SLC37A2: variants seen among roughly 807,000 people sequenced by gnomAD.
SLC37A2 encodes glucose-6-phosphate exchanger SLC37A2.
A neutral mutation model predicts 70.7 loss-of-function variants in SLC37A2; 59 were observed. That is an observed-to-expected ratio of 0.83 (90% confidence interval 0.68 to 1.04). SLC37A2 has a LOEUF of 1.04. SLC37A2 is among the 50% of genes least tolerant of loss of function. SLC37A2 has a pLI of 0.00. For missense variants in SLC37A2, 580 were observed against 658.1 expected (o/e 0.88, Z 1.30); for synonymous variants, 257 against 262.1 (o/e 0.98, Z 0.19).
chr11:125,086,401 G>T, intron 17 of SLC37A2: 1 of 750,134 alleles, frequency 1.3e-6, no homozygotes, highest in South Asian at 1.5e-5. Context: ...CCTCAGCAGA[G>T]CATGGTGCTT....
At chr11:125,077,823 G>A (rs1453648835) in intron 4 of SLC37A2, among the ~76,000 whole-genome samples, 2 of 152,180 alleles carry the variant, frequency 1.3e-5, no homozygotes, top group East Asian at 1.9e-4. Flanking sequence ...ATGGCCCTGC[G>A]TGCACATATA....
In SLC37A2 at chr11:125,088,302, A is replaced by G. The variant is rs1228652079; in HGVS notation, c.*168A>G. On this transcript the variant is annotated 3_prime_UTR_variant, in exon 18 of 18. Coordinates refer to ENST00000403796, the MANE Select transcript of SLC37A2 (RefSeq NM_001145290.2). ...CTGCCTAAGGACACAGAGATTCTCCATGGGAAGGGGACTGCCAAGCATGAG... is the reference window on the plus strand; with the variant it reads ...CTGCCTAAGGACACAGAGATTCTCCGTGGGAAGGGGACTGCCAAGCATGAG... The G allele has an allele frequency of 4.2e-6, 3 of 708,534 alleles. No individual in the cohort carries two copies. In the East Asian group the frequency reaches 8.2e-5, roughly 19 times the overall value. The allele number at this position is 708,534 out of a possible 1,614,324, so 43.9% of individuals were successfully genotyped here.
At chr11:125,077,750 C>CAGA (rs1949105326) in intron 4 of SLC37A2, among the ~76,000 whole-genome samples, 1 of 152,210 alleles carries the variant, frequency 6.6e-6, no homozygotes, top group East Asian at 1.9e-4. Context: ...CTCCTGGATG[C>CAGA]TGCTTTTGAG....
intron 1 of SLC37A2, among the ~76,000 whole-genome samples, chr11:125,075,251 C>T (rs1027990014): frequency 1.3e-5 from 2 of 152,222 alleles, no homozygotes; most frequent in African/African-American, 4.8e-5. Flanking sequence ...TGGGCACCCT[C>T]TTCAAAGTCT....
intron 1 of SLC37A2, among the ~76,000 whole-genome samples, chr11:125,068,397 G>A (rs1003233915): frequency 2.6e-5 from 4 of 152,152 alleles, no homozygotes; most frequent in African/African-American, 7.2e-5. Context: ...TAAATGTCAC[G>A]TAGTTCTTCT....
intron 1 of SLC37A2, among the ~76,000 whole-genome samples, chr11:125,075,626 C>G (rs1020417648): frequency 6.6e-6 from 1 of 152,250 alleles, no homozygotes; most frequent in Non-Finnish European, 1.5e-5. Flanking sequence ...AAGCTCGATC[C>G]AGGGGCAAAG....
At chr11:125,079,300 T>A (rs1241354321) in intron 5 of SLC37A2, 53 bp downstream of exon 5, 3 of 1,610,300 alleles carry the variant, frequency 1.9e-6, no homozygotes, top group Non-Finnish European at 2.5e-6. Context: ...GGGAAGGACC[T>A]GGGAGACCGC....
At chr11:125,069,783 A>G (rs1949012401) in intron 1 of SLC37A2, among the ~76,000 whole-genome samples, 1 of 152,256 alleles carries the variant, frequency 6.6e-6, no homozygotes, top group Non-Finnish European at 1.5e-5. Flanking sequence ...GCAGACATCC[A>G]GGCAAGAGTC....
rs900388592 is a variant in SLC37A2 at position 125,090,050 on chromosome 11, G to A, written c.*1916G>A. ...ACCCTGTGTTTAGCTCAAGGTTTGT[G>A]AGTGCACCAGTCGACACTCTGTATC... On this transcript the variant is annotated 3_prime_UTR_variant, in exon 18 of 18. Transcript: ENST00000403796. 3.9e-5 allele frequency: 6 copies of A among 152,308 alleles called. No individual in the cohort carries two copies. The highest frequency in any genetic ancestry group is 1.4e-4 in the African/African-American group (6 of 41,460). The allele number at this position is 152,308 out of a possible 1,614,324, so 9.4% of individuals were successfully genotyped here.
intron 17 of SLC37A2, chr11:125,086,336 A>ATG: frequency 1.7e-6 from 2 of 1,151,572 alleles, no homozygotes; most frequent in Admixed American, 3.4e-5. Context: ...GTCCTGCAGT[A>ATG]TGACTTTTTC....
intron 4 of SLC37A2, among the ~76,000 whole-genome samples, chr11:125,077,917 G>T (rs560177352): frequency 1.3e-5 from 2 of 152,168 alleles, no homozygotes; most frequent in Non-Finnish European, 2.9e-5. Context: ...GATCAATAAG[G>T]CTGCATACTG....
intron 1 of SLC37A2, among the ~76,000 whole-genome samples, chr11:125,069,855 G>A (rs150180862): frequency 5.6e-4 from 85 of 152,348 alleles, no homozygotes; most frequent in African/African-American, 2.0e-3. Flanking sequence ...GGCCTTCCTC[G>A]TCAGGATGAC....
chr11:125,073,993 C>A lies in SLC37A2; in HGVS notation c.60-2764C>A, dbSNP rs1473524388. Among the ~76,000 whole-genome samples, 3 of 152,208 alleles carry A rather than the reference C, an allele frequency of 2.0e-5. No individual in the cohort carries two copies. The South Asian group carries it at 6.2e-4, about 31-fold the overall frequency. On this transcript the variant is annotated intron_variant, in intron 1 of 17. Transcript: ENST00000403796. ...ATAGCCTAAATGCCACAGTTTGGCA[C>A]CTGAGGCCCTGCGCCACGCCACCTG...
intron 1 of SLC37A2, among the ~76,000 whole-genome samples, chr11:125,073,707 G>A (rs1949052651): frequency 6.6e-6 from 1 of 152,254 alleles, no homozygotes; most frequent in Admixed American, 6.5e-5. Flanking sequence ...AGTCCTTGCT[G>A]TTTTCTCTTA....
intron 1 of SLC37A2, among the ~76,000 whole-genome samples, chr11:125,073,045 G>A (rs994576167): frequency 6.6e-5 from 10 of 152,210 alleles, no homozygotes; most frequent in African/African-American, 2.4e-4. Context: ...TCTACTGGCA[G>A]CATCATGGGG....
chr11:125,079,858 C>A, intron 6 of SLC37A2, 98 bp downstream of exon 6: 1 of 926,228 alleles, frequency 1.1e-6, no homozygotes, highest in Non-Finnish European at 1.7e-6. Flanking sequence ...AGGGAAGGGT[C>A]AGAAAGCGGC....
rs750764952 is a variant in SLC37A2, at chr11:125,084,822, C to T, written c.1126-3C>T. ...ACTCTGCCTCTCCCCTCTCCTCTCTCAGATGTTCCTGTACAACTACATTGG... is the reference window on the plus strand; with the variant it reads ...ACTCTGCCTCTCCCCTCTCCTCTCTTAGATGTTCCTGTACAACTACATTGG... On this transcript the variant is annotated splice_polypyrimidine_tract_variant and splice_region_variant and intron_variant, in intron 12 of 17. Coordinates refer to ENST00000403796, the MANE Select transcript of SLC37A2 (RefSeq NM_001145290.2). 1.2e-6 allele frequency: 2 copies of T among 1,613,318 alleles called. No homozygotes were observed. The highest frequency in any genetic ancestry group is 4.5e-5 in the East Asian group (2 of 44,812).
Position 125,085,463 on chromosome 11 carries a change from C to T in SLC37A2, c.1317C>T (p.Thr439=), listed in dbSNP as rs144643816. The T allele has an allele frequency of 7.4e-5, 119 of 1,613,890 alleles. 1 individual carries two copies. The highest frequency in any genetic ancestry group is 2.0e-4 in the African/African-American group (15 of 75,022). ...CGGTCACGGCCATCATTGACGGCAC[C>T]GGCTCCATAGGTCTGTGACTCTAGC... ...LSTVTAIIDG[T]GSIGAALGPL... The change falls in exon 15 of 18, where the codon ACC becomes ACT. Residue 439 remains threonine (T), a synonymous_variant. Coordinates refer to ENST00000403796, the MANE Select transcript of SLC37A2 (RefSeq NM_001145290.2).
chr11:125,084,055 C>T (rs758001388), intron 11 of SLC37A2, among the ~76,000 whole-genome samples, 178 bp downstream of exon 11: 2 of 152,106 alleles, frequency 1.3e-5, no homozygotes, highest in Non-Finnish European at 2.9e-5. Context: ...AGAAAGATGC[C>T]CTTTTGTTTG....
Sources: allele counts gnomAD v4.1 joint callset (sites outside exome capture counted in the v4.1 genomes callset), GRCh38; gene constraint gnomAD v4.1.1; transcripts MANE v1.5; gene names NCBI Gene and HGNC (gene_info 2026-07-23, HGNC 2026-07-21).